LHFPL3: variants seen among roughly 807,000 people sequenced by gnomAD.
LHFPL3 encodes the protein LHFPL tetraspan subfamily member 3 protein.
LHFPL3 carries 5 observed loss-of-function variants against 19.3 expected under a neutral mutation model. That is an observed-to-expected ratio of 0.26 (90% confidence interval 0.14 to 0.54). The LOEUF is 0.54. LHFPL3 is among the 20% of genes least tolerant of loss of function. The probability of loss-of-function intolerance (pLI) is 0.94; values close to 1 mark genes in which losing one functional copy is unlikely to be tolerated. For missense variants in LHFPL3, 249 were observed against 307.4 expected (o/e 0.81, Z 1.42); for synonymous variants, 133 against 126.2 (o/e 1.05, Z -0.36).
intron 2 of LHFPL3, among the ~76,000 whole-genome samples, chr7:104,751,942 C>T (rs918711976): frequency 7.2e-5 from 11 of 151,972 alleles, no homozygotes; most frequent in Admixed American, 3.9e-4. Context: ...TCCTAGTGGG[C>T]GGCTGAGGGT....
chr7:104,422,394 T>G lies in LHFPL3; in HGVS notation c.445+93170T>G, dbSNP rs554674233. Reference sequence around the variant, plus strand: ...AACAACAACAACAAGAACAAATATTTCAGTTGTTTGTAACCCATCCAGTCT... The same window carrying G: ...AACAACAACAACAAGAACAAATATTGCAGTTGTTTGTAACCCATCCAGTCT... On this transcript the variant is annotated intron_variant, in intron 1 of 2. Transcript: ENST00000424859. Among the ~76,000 whole-genome samples the G allele has an allele frequency of 2.2e-5, 3 of 137,986 alleles. No individual in the cohort carries two copies. The East Asian group carries it at 6.4e-4, about 30-fold the overall frequency. The allele number at this position is 137,986 out of a possible 152,430, so 90.5% of individuals were successfully genotyped here.
At chr7:104,734,655 T>C (rs1178750137) in intron 1 of LHFPL3, among the ~76,000 whole-genome samples, 1 of 152,244 alleles carries the variant, frequency 6.6e-6, no homozygotes. Flanking sequence ...TTCTTTGCCA[T>C]GGGTTCAAAC....
intron 1 of LHFPL3, among the ~76,000 whole-genome samples, chr7:104,491,563 G>A (rs1793353058): frequency 6.6e-6 from 1 of 151,964 alleles, no homozygotes; most frequent in South Asian, 2.1e-4. Context: ...AAAATATCAG[G>A]GCAGTACCAG....
chr7:104,599,000 A>G (rs1790915722), intron 1 of LHFPL3, among the ~76,000 whole-genome samples: 1 of 152,204 alleles, frequency 6.6e-6, no homozygotes, highest in Non-Finnish European at 1.5e-5. Context: ...TTTAATTTTT[A>G]TCTCTTAATT....
At chr7:104,430,213 G>C (rs1791931708) in intron 1 of LHFPL3, among the ~76,000 whole-genome samples, 1 of 150,458 alleles carries the variant, frequency 6.6e-6, no homozygotes, top group East Asian at 2.0e-4. Context: ...TTATCTAGGA[G>C]ACATCTGTTC....
intron 1 of LHFPL3, among the ~76,000 whole-genome samples, chr7:104,526,069 A>G (rs1290402816): frequency 6.6e-6 from 1 of 152,144 alleles, no homozygotes; most frequent in African/African-American, 2.4e-5. Flanking sequence ...GAGTCTATTT[A>G]TCAATTCAAG....
intron 1 of LHFPL3, among the ~76,000 whole-genome samples, chr7:104,466,515 C>T (rs189453221): frequency 2.5e-3 from 388 of 152,280 alleles, no homozygotes; most frequent in Admixed American, 5.4e-3. Flanking sequence ...GGAAAATAAT[C>T]TGTTGTTCCA....
chr7:104,399,751 TGTAAGCCACTGC>T lies in LHFPL3; in HGVS notation c.445+70529_445+70540del, dbSNP rs1791273719. Among the ~76,000 whole-genome samples, 1 of 151,478 alleles carries T rather than the reference TGTAAGCCACTGC, an allele frequency of 6.6e-6. No homozygotes were observed. Among genetic ancestry groups the T allele is most frequent in the Non-Finnish European group, 1.5e-5 (1 of 67,840 alleles). ...CCTCCCAAAGTGCTGGGATTACAGTTGTAAGCCACTGCGCCCGGCCATATGTTCTTCTGTCCT... is the reference window on the plus strand; with the variant it reads ...CCTCCCAAAGTGCTGGGATTACAGTTGCCCGGCCATATGTTCTTCTGTCCT... On this transcript the variant is annotated intron_variant, in intron 1 of 2. Coordinates refer to ENST00000424859, the MANE Select transcript of LHFPL3 (RefSeq NM_199000.3). This position sits in a 1 kb window ranked among gnomAD's most constrained non-coding sequence, Gnocchi z 4.4.
intron 1 of LHFPL3, among the ~76,000 whole-genome samples, chr7:104,445,138 G>A (rs1330526705): frequency 2.0e-5 from 3 of 152,142 alleles, no homozygotes; most frequent in Non-Finnish European, 2.9e-5. Context: ...TGCTATATTG[G>A]TCATCTGGCT....
At chr7:104,525,755 T>C (rs2115827294) in intron 1 of LHFPL3, among the ~76,000 whole-genome samples, 1 of 152,142 alleles carries the variant, frequency 6.6e-6, no homozygotes, top group Non-Finnish European at 1.5e-5. Context: ...TACAAGCGCG[T>C]ACCTCCACGC....
chr7:104,731,617 C>T (rs7385035), intron 1 of LHFPL3, among the ~76,000 whole-genome samples: 149,868 of 151,508 alleles, frequency 0.99, 74,136 homozygotes, highest in East Asian at 1. Context: ...CTTAAGGAGA[C>T]TTTGGGCTGA....
chr7:104,623,657 A>G (rs545065120), intron 1 of LHFPL3, among the ~76,000 whole-genome samples: 6 of 117,084 alleles, frequency 5.1e-5, no homozygotes, highest in African/African-American at 1.5e-4. Context: ...TGTAGATTCC[A>G]CCTTCAAATT....
At chr7:104,440,041 G>GGGGT (rs1554394376) in intron 1 of LHFPL3, among the ~76,000 whole-genome samples, 15 of 146,506 alleles carry the variant, frequency 1.0e-4, no homozygotes, top group Non-Finnish European at 1.8e-4. Flanking sequence ...AGCCTGGGGG[G>GGGGT]GGGGAGGGAT....
intron 2 of LHFPL3, among the ~76,000 whole-genome samples, chr7:104,781,207 C>T (rs926520522): frequency 1.3e-4 from 20 of 152,186 alleles, no homozygotes; most frequent in Admixed American, 1.2e-3. Flanking sequence ...GTGGCTATTT[C>T]AGGTCTTTTT....
intron 1 of LHFPL3, among the ~76,000 whole-genome samples, chr7:104,644,327 T>G (rs1020276245): frequency 4.6e-5 from 7 of 152,232 alleles, no homozygotes; most frequent in Admixed American, 2.0e-4. Context: ...CTAACCCAAA[T>G]GTTGCCTGCC....
chr7:104,668,502 G>T, intron 1 of LHFPL3: 3 of 1,613,116 alleles, frequency 1.9e-6, no homozygotes, highest in Non-Finnish European at 2.5e-6. Flanking sequence ...TGGTGGCCGG[G>T]ATCGCTATGA....
chr7:104,329,360 G>T lies in LHFPL3; in HGVS notation c.445+136G>T, dbSNP rs890993747. On this transcript the variant is annotated intron_variant, in intron 1 of 2. Coordinates refer to ENST00000424859, the MANE Select transcript of LHFPL3 (RefSeq NM_199000.3). ...CTAATCCGCTCAGGCGTCGAGGTGT[G>T]GGGGGCGGGAGCCCAGCGAGGCCGG... 1.5e-5 allele frequency: 18 copies of T among 1,180,460 alleles called. No homozygotes were observed. In the Admixed American group the frequency reaches 3.3e-4, roughly 22 times the overall value. The allele number at this position is 1,180,460 out of a possible 1,614,324, so 73.1% of individuals were successfully genotyped here. A position where few individuals can be genotyped will look rare whatever the true frequency, so the allele number is the denominator to read the frequency against.
At chr7:104,563,912 A>G (rs1275204604) in intron 1 of LHFPL3, among the ~76,000 whole-genome samples, 1 of 152,248 alleles carries the variant, frequency 6.6e-6, no homozygotes, top group Non-Finnish European at 1.5e-5. Flanking sequence ...CCATTAAATA[A>G]TAGCTTAATA....
chr7:104,480,215 T>A (rs1341294192), intron 1 of LHFPL3, among the ~76,000 whole-genome samples: 1 of 152,210 alleles, frequency 6.6e-6, no homozygotes, highest in Non-Finnish European at 1.5e-5. Context: ...TTCCTTTAAC[T>A]GTAAATGGGG....
Sources: allele counts gnomAD v4.1 joint callset (sites outside exome capture counted in the v4.1 genomes callset), GRCh38; gene constraint gnomAD v4.1.1; non-coding constraint Gnocchi (gnomAD v3.1); transcripts MANE v1.5; gene names NCBI Gene and HGNC (gene_info 2026-07-23, HGNC 2026-07-21).